UACA: variants seen among roughly 807,000 people sequenced by gnomAD.
The protein encoded by UACA is uveal autoantigen with coiled-coil domains and ankyrin repeats, also known as nuclear membrane binding protein.
Under a neutral mutation model 160.5 loss-of-function variants are expected in UACA, and 112 were observed. That is an observed-to-expected ratio of 0.70 (90% CI 0.60 to 0.82). The LOEUF is 0.82. Ranked by LOEUF, UACA falls within the 40% of genes least tolerant of loss-of-function variation. The probability of loss-of-function intolerance (pLI) is 0.00; values close to 1 mark genes in which losing one functional copy is unlikely to be tolerated. For synonymous variants in UACA, 557 were observed against 568.4 expected (o/e 0.98, Z 0.29); for missense variants, 1,574 against 1,614.6 (o/e 0.97, Z 0.43).
chr15:70,764,347 C>T (rs901242888), upstream of UACA, among the ~76,000 whole-genome samples: 7 of 152,052 alleles, frequency 4.6e-5, no homozygotes, highest in African/African-American at 1.7e-4. Context: ...TACATGTAAA[C>T]GTATACGATG....
chr15:70,668,134 G>A lies in UACA; in HGVS notation c.2550C>T (p.Asn850=), dbSNP rs1802908232. 2.5e-6 allele frequency: 4 copies of A among 1,613,416 alleles called. No homozygotes were observed. Among genetic ancestry groups the A allele is most frequent in the Non-Finnish European group, 3.4e-6 (4 of 1,179,910 alleles). The change falls in exon 16 of 19, where the codon AAC becomes AAT. Residue 850 remains asparagine (N), a synonymous_variant. Coordinates refer to ENST00000322954, the MANE Select transcript of UACA (RefSeq NM_018003.4). ...ACTGATTACTCATCATCTTCTTCAA[G>A]TTAGTGTTTTCAGATGTGAGAGCGT... The part of the protein sequence containing the change: ...KIHALTSENT[N]LKKMMSNQYV...
At chr15:70,770,670 C>T in the UACA span, among the ~76,000 whole-genome samples, 1 of 152,164 alleles carries the variant, frequency 6.6e-6, no homozygotes, top group Non-Finnish European at 1.5e-5. Context: ...TGGACCTAAA[C>T]AATAATTAAG....
At chr15:70,778,231 C>A in the UACA span, among the ~76,000 whole-genome samples, 31 of 152,010 alleles carry the variant, frequency 2.0e-4, 2 homozygotes, top group Admixed American at 1.2e-3. Context: ...AGAACAGGAA[C>A]CTTTTTTTAC....
At chr15:70,683,167 G>A (rs967893348) in intron 8 of UACA, among the ~76,000 whole-genome samples, 6 of 151,886 alleles carry the variant, frequency 4.0e-5, no homozygotes, top group Admixed American at 2.6e-4. Flanking sequence ...ACCAGCCTGG[G>A]CAACATAGCA....
chr15:70,664,834 G>C lies in UACA; in HGVS notation c.3961-20C>G. On this transcript the variant is annotated intron_variant, in intron 16 of 18. Transcript: ENST00000322954. ...AGTTATCTTTAAAAAAATGTTGTAG[G>C]AGAAATATATTATTCACTTATCATG... The C allele has an allele frequency of 1.9e-6, 3 of 1,600,456 alleles. No individual in the cohort carries two copies. Among genetic ancestry groups the C allele is most frequent in the Non-Finnish European group, 2.6e-6 (3 of 1,172,420 alleles).
chr15:70,737,944 C>T (rs985386306), intron 1 of UACA, among the ~76,000 whole-genome samples: 3 of 152,154 alleles, frequency 2.0e-5, no homozygotes, highest in Non-Finnish European at 4.4e-5. Context: ...TTAGACTTTT[C>T]CAATAATAGA....
chr15:70,752,126 T>C (rs969287487), intron 1 of UACA, among the ~76,000 whole-genome samples: 1 of 151,064 alleles, frequency 6.6e-6, no homozygotes, highest in African/African-American at 2.4e-5. Context: ...TAATCCCAGC[T>C]ACTCGGGAGG....
chr15:70,728,848 A>C (rs796367023), intron 1 of UACA, among the ~76,000 whole-genome samples: 19 of 152,316 alleles, frequency 1.2e-4, no homozygotes, highest in Middle Eastern at 3.4e-3. Context: ...CAAGCAAAAA[A>C]CAAATAACCC....
intron 16 of UACA, among the ~76,000 whole-genome samples, chr15:70,665,466 C>T (rs540754409): frequency 1.3e-4 from 20 of 152,180 alleles, no homozygotes; most frequent in Middle Eastern, 6.8e-3. Flanking sequence ...TCAGGTTGGG[C>T]ACAGTGGCTC....
intron 1 of UACA, among the ~76,000 whole-genome samples, chr15:70,756,704 C>T (rs1392992217): frequency 1.3e-5 from 2 of 152,060 alleles, no homozygotes; most frequent in Non-Finnish European, 2.9e-5. Flanking sequence ...AAAACCCTGT[C>T]TCTACCAAAA....
chr15:70,713,719 A>AT (rs1442314419), intron 1 of UACA, among the ~76,000 whole-genome samples: 2 of 151,784 alleles, frequency 1.3e-5, no homozygotes, highest in Non-Finnish European at 2.9e-5. Context: ...CTGACATACT[A>AT]TTTTTTTTCA....
intron 14 of UACA, chr15:70,671,324 T>C: frequency 3.2e-6 from 1 of 312,342 alleles, no homozygotes; most frequent in Non-Finnish European, 5.9e-6. Context: ...TCTTATTTTT[T>C]TCTATGCTCT....
chr15:70,724,558 C>G (rs1167858576), intron 1 of UACA, among the ~76,000 whole-genome samples: 1 of 152,020 alleles, frequency 6.6e-6, no homozygotes, highest in African/African-American at 2.4e-5. Flanking sequence ...CTGTACTACA[C>G]AGTTTTACTT....
chr15:70,665,244 C>G (rs1267382248), intron 16 of UACA, among the ~76,000 whole-genome samples: 1 of 151,870 alleles, frequency 6.6e-6, no homozygotes, highest in Non-Finnish European at 1.5e-5. Flanking sequence ...TTTTTCCTTT[C>G]AAGAGTTGTA....
Position 70,668,177 on chromosome 15 carries a change from TCAC to T in UACA, c.2504_2506del (p.Gly835del). On this transcript the variant is annotated inframe_deletion, in exon 16 of 19. Coordinates refer to ENST00000322954, the MANE Select transcript of UACA (RefSeq NM_018003.4). ...GAGAGCGTGTATTTTCTCCTGGTCT[TCAC>T]CACATTTTTTCTTAAGTTCAGACAG... is the stretch of plus-strand genomic sequence containing the variant. The T allele has an allele frequency of 6.2e-7, 1 of 1,611,626 alleles. No individual in the cohort carries two copies. Among genetic ancestry groups the T allele is most frequent in the Non-Finnish European group, 8.5e-7 (1 of 1,179,508 alleles).
intron 5 of UACA, 128 bp from the exon 6 acceptor site, chr15:70,687,948 T>C (rs1357252417): frequency 1.3e-6 from 1 of 797,632 alleles, no homozygotes; most frequent in Non-Finnish European, 2.0e-6. Flanking sequence ...CCTTCACTCT[T>C]AGTTTAGCAT....
chr15:70,689,412 A>G (rs1300067464), intron 5 of UACA, among the ~76,000 whole-genome samples: 1 of 152,194 alleles, frequency 6.6e-6, no homozygotes, highest in Non-Finnish European at 1.5e-5. Flanking sequence ...AATAAAATAT[A>G]TGGTTAACTT....
At position 70,678,124 on chromosome 15, in the gene UACA, T is replaced by G; in HGVS notation, c.974A>C (p.Asn325Thr). The change falls in exon 11 of 19, where the codon AAT becomes ACT. Residue 325 changes from asparagine to threonine, a missense_variant. Asn to Thr is a moderately conservative substitution (Grantham distance 65, BLOSUM62 0). Coordinates refer to ENST00000322954, the MANE Select transcript of UACA (RefSeq NM_018003.4). ...CTCATTCAGCTGTAACTGTAAACCA[T>G]TGACTTTATCCAAAAGTATTCTTTG... ...QEQRILLDKV[N>T]GLQLQLNEEV... 1.9e-6 allele frequency: 3 copies of G among 1,607,498 alleles called. No individual in the cohort carries two copies. In the South Asian group the frequency reaches 3.3e-5, roughly 18 times the overall value.
chr15:70,683,192 C>CA (rs992691167), intron 8 of UACA, among the ~76,000 whole-genome samples: 20 of 151,236 alleles, frequency 1.3e-4, no homozygotes, highest in Non-Finnish European at 1.8e-4. Context: ...CCCATCTCTA[C>CA]AAAAAAAATA....
Sources: gnomAD v4.1 joint callset for allele counts (sites outside exome capture counted in the v4.1 genomes callset) on GRCh38, gnomAD v4.1.1 for gene constraint, MANE v1.5 for transcripts, NCBI Gene and HGNC (gene_info 2026-07-23, HGNC 2026-07-21) for gene names.